The following SLC25A21 variants were observed in gnomAD, a reference collection of about 807,000 sequenced individuals.
SLC25A21 encodes the protein mitochondrial 2-oxodicarboxylate carrier.
SLC25A21 carries 47 observed loss-of-function variants against 43.8 expected under a neutral mutation model. The ratio of observed to expected loss-of-function variants is 1.07; its 90% CI spans 0.85 to 1.37. The LOEUF is 1.37. SLC25A21 is among the 40% of genes most tolerant of loss of function. The pLI, the probability that SLC25A21 is intolerant of heterozygous loss-of-function variation, is 0.00. For missense variants in SLC25A21, 352 were observed against 350.2 expected (o/e 1.00, Z -0.04); for synonymous variants, 131 against 121.3 (o/e 1.08, Z -0.52).
At position 36,678,826 on chromosome 14, in the gene SLC25A21, G is replaced by T; in HGVS notation, c.*1832C>A. ...TTTTCTCCCTCTAGGTCTTAACAGTGAATTCACATGGAGTAATTTTTAAAA... is the reference window on the plus strand; with the variant it reads ...TTTTCTCCCTCTAGGTCTTAACAGTTAATTCACATGGAGTAATTTTTAAAA... On this transcript the variant is annotated 3_prime_UTR_variant, in exon 10 of 10. Transcript: ENST00000331299. 1.0e-6 allele frequency: 1 copy of T among 991,190 alleles called. No homozygotes were observed. Among genetic ancestry groups the T allele is most frequent in the Non-Finnish European group, 1.2e-6 (1 of 825,608 alleles). 61.4% of individuals were successfully genotyped at this position (991,190 alleles called of 1,614,324 possible). A position where few individuals can be genotyped will look rare whatever the true frequency, so the allele number is the denominator to read the frequency against.
At chr14:36,842,519 G>A (rs1889416057) in intron 2 of SLC25A21, among the ~76,000 whole-genome samples, 1 of 152,170 alleles carries the variant, frequency 6.6e-6, no homozygotes, top group Non-Finnish European at 1.5e-5. Context: ...GCCATAAGAC[G>A]GAAGGAGCTT....
At chr14:36,935,501 G>A (rs1209539699) in intron 1 of SLC25A21, among the ~76,000 whole-genome samples, 1 of 152,142 alleles carries the variant, frequency 6.6e-6, no homozygotes, top group African/African-American at 2.4e-5. Context: ...GAGCAAACAG[G>A]TTTCTGTGGA....
intron 2 of SLC25A21, among the ~76,000 whole-genome samples, chr14:36,861,068 T>C (rs543708752): frequency 1.2e-3 from 177 of 152,314 alleles, no homozygotes; most frequent in African/African-American, 3.8e-3. Flanking sequence ...CTTGCAAACT[T>C]CTTCATTATG....
chr14:36,946,483 A>G (rs1019491613), intron 1 of SLC25A21, among the ~76,000 whole-genome samples: 1 of 152,182 alleles, frequency 6.6e-6, no homozygotes, highest in Non-Finnish European at 1.5e-5. Flanking sequence ...TAATAGCAAT[A>G]GTAATTCCAA....
Position 36,680,394 on chromosome 14 carries a change from A to T in SLC25A21, c.*264T>A. The T allele has an allele frequency of 9.3e-7, 1 of 1,078,464 alleles. No homozygotes were observed. The highest frequency in any genetic ancestry group is 1.1e-6 in the Non-Finnish European group (1 of 883,360). The allele number at this position is 1,078,464 out of a possible 1,614,324, so 66.8% of individuals were successfully genotyped here. ...TCTATTTATTTTATGAAATAAATAT[A>T]TGATTTCTATGCTATTTTTCTATAT... On this transcript the variant is annotated 3_prime_UTR_variant, in exon 10 of 10. Coordinates refer to ENST00000331299, the MANE Select transcript of SLC25A21 (RefSeq NM_030631.4).
intron 7 of SLC25A21, among the ~76,000 whole-genome samples, chr14:36,694,661 G>A (rs1297706224): frequency 4.6e-5 from 7 of 152,202 alleles, no homozygotes; most frequent in African/African-American, 1.7e-4. Flanking sequence ...CTGATGACCA[G>A]TGATGATGAG....
At chr14:36,815,809 T>A (rs1237050180) in intron 2 of SLC25A21, among the ~76,000 whole-genome samples, 1 of 152,186 alleles carries the variant, frequency 6.6e-6, no homozygotes, top group African/African-American at 2.4e-5. Flanking sequence ...CTATTCCTTG[T>A]GCTTTACTTT....
intron 1 of SLC25A21, among the ~76,000 whole-genome samples, chr14:36,896,852 T>C (rs919272599): frequency 3.9e-5 from 6 of 152,364 alleles, no homozygotes; most frequent in Non-Finnish European, 8.8e-5. Context: ...TCTTTAAGAA[T>C]GTTGAATATT....
At chr14:37,078,409 G>A (rs969505090) in intron 1 of SLC25A21, among the ~76,000 whole-genome samples, 5 of 152,000 alleles carry the variant, frequency 3.3e-5, no homozygotes, top group East Asian at 1.9e-4. Flanking sequence ...TGGATGATAC[G>A]TCAGGATAAG....
At chr14:36,793,939 A>T (rs897221019) in intron 3 of SLC25A21, among the ~76,000 whole-genome samples, 1 of 148,168 alleles carries the variant, frequency 6.7e-6, no homozygotes, top group Non-Finnish European at 1.5e-5. Flanking sequence ...AAAAAAAAAA[A>T]CTTGGCAAGA....
At chr14:36,907,366 T>C (rs1163468411) in intron 1 of SLC25A21, among the ~76,000 whole-genome samples, 1 of 152,066 alleles carries the variant, frequency 6.6e-6, no homozygotes, top group Non-Finnish European at 1.5e-5. Flanking sequence ...GGTTGGTTGG[T>C]TTTGTTTAAT....
intron 4 of SLC25A21, among the ~76,000 whole-genome samples, chr14:36,733,129 T>C (rs938511549): frequency 1.3e-5 from 2 of 152,194 alleles, no homozygotes; most frequent in East Asian, 1.9e-4. Flanking sequence ...AAGAAAAAAA[T>C]ATTCCAGGAA....
chr14:36,976,208 G>A (rs1197238437), intron 1 of SLC25A21, among the ~76,000 whole-genome samples: 2 of 152,092 alleles, frequency 1.3e-5, no homozygotes, highest in Non-Finnish European at 2.9e-5. Context: ...TAGGAGAGAA[G>A]GAACCTGCAG....
At chr14:37,118,436 T>C (rs1963146020) in intron 1 of SLC25A21, among the ~76,000 whole-genome samples, 2 of 152,164 alleles carry the variant, frequency 1.3e-5, no homozygotes, top group African/African-American at 4.8e-5. Context: ...TCCAAATTTT[T>C]AGGGAGGCTG....
At chr14:37,002,454 T>C (rs1359167220) in intron 1 of SLC25A21, among the ~76,000 whole-genome samples, 1 of 152,136 alleles carries the variant, frequency 6.6e-6, no homozygotes, top group Non-Finnish European at 1.5e-5. Context: ...ATTTTCAGGA[T>C]TATACCCTGG....
chr14:36,700,537 T>C (rs1292227797), intron 7 of SLC25A21, among the ~76,000 whole-genome samples: 1 of 152,148 alleles, frequency 6.6e-6, no homozygotes, highest in African/African-American at 2.4e-5. Flanking sequence ...TGTCCACATA[T>C]TTGAAGAAGT....
At chr14:37,043,831 C>T (rs998057123) in intron 1 of SLC25A21, among the ~76,000 whole-genome samples, 3 of 151,928 alleles carry the variant, frequency 2.0e-5, no homozygotes, top group African/African-American at 7.3e-5. Context: ...AATTCCTGGA[C>T]TCAAGTGATC....
At chr14:37,131,332 A>G (rs1253975463) in intron 1 of SLC25A21, among the ~76,000 whole-genome samples, 1 of 152,200 alleles carries the variant, frequency 6.6e-6, no homozygotes, top group Non-Finnish European at 1.5e-5. Flanking sequence ...GTGACATTTC[A>G]TCTTATCGGG....
chr14:36,822,668 C>T (rs1332805160), intron 2 of SLC25A21, among the ~76,000 whole-genome samples: 1 of 152,168 alleles, frequency 6.6e-6, no homozygotes, highest in Non-Finnish European at 1.5e-5. Flanking sequence ...ATCTTCTGTG[C>T]TATGTAATTT....
Sources: gnomAD v4.1 joint callset for allele counts (sites outside exome capture counted in the v4.1 genomes callset) on GRCh38, gnomAD v4.1.1 for gene constraint, MANE v1.5 for transcripts, NCBI Gene and HGNC (gene_info 2026-07-23, HGNC 2026-07-21) for gene names.